The following FANCD2 variants were observed in gnomAD, a reference collection of about 807,000 sequenced individuals.
FANCD2 encodes Fanconi anemia group D2 protein.
Under a neutral mutation model 192.3 loss-of-function variants are expected in FANCD2, and 131 were observed. The observed-to-expected ratio is 0.68, with a 90% CI of 0.59 to 0.79. The LOEUF (loss-of-function observed/expected upper bound fraction) is 0.79. Ranked by LOEUF, FANCD2 falls within the 30% of genes least tolerant of loss-of-function variation. FANCD2 has a pLI of 0.00. For missense variants in FANCD2, 1,508 were observed against 1,701.6 expected, an observed-to-expected ratio of 0.89 and a Z score of 2.00; for synonymous variants, 524 against 612.5, an observed-to-expected ratio of 0.86 and a Z score of 2.13.
chr3:10,042,863 T>C (rs2086899374), intron 11 of FANCD2, among the ~76,000 whole-genome samples, 187 bp from the exon 12 acceptor site: 1 of 152,230 alleles, frequency 6.6e-6, no homozygotes, highest in Non-Finnish European at 1.5e-5. Flanking sequence ...CACAGAATTC[T>C]GAAATTTTGG....
At chr3:10,079,578 G>A (rs938786644) in intron 30 of FANCD2, among the ~76,000 whole-genome samples, 5 of 152,008 alleles carry the variant, frequency 3.3e-5, no homozygotes, top group South Asian at 2.1e-4. Context: ...CGCCCACCTC[G>A]GCCTCCCAAA....
intron 38 of FANCD2, among the ~76,000 whole-genome samples, chr3:10,092,981 C>T (rs914837322): frequency 2.6e-5 from 4 of 152,134 alleles, no homozygotes; most frequent in African/African-American, 9.7e-5. Flanking sequence ...CATGAGCCAG[C>T]ATGCCCAGCC....
chr3:10,046,131 G>A (rs1189706680), intron 14 of FANCD2, among the ~76,000 whole-genome samples: 1 of 144,904 alleles, frequency 6.9e-6, no homozygotes, highest in Non-Finnish European at 1.5e-5. Context: ...TCGGCTCACT[G>A]TAAGCTCTGC....
At chr3:10,045,188 A>T (rs2086970118) in intron 14 of FANCD2, among the ~76,000 whole-genome samples, 2 of 113,126 alleles carry the variant, frequency 1.8e-5, no homozygotes, top group African/African-American at 4.1e-5. Flanking sequence ...TTTGTTTTTG[A>T]GACGGGTTCT....
intron 42 of FANCD2, among the ~76,000 whole-genome samples, chr3:10,097,792 T>C (rs1695061815): frequency 6.6e-6 from 1 of 152,168 alleles, no homozygotes; most frequent in Non-Finnish European, 1.5e-5. Context: ...GTCCATGAAA[T>C]CTTTACAATT....
rs981608216 is a variant in FANCD2 at position 10,053,502 on chromosome 3, A to C, written c.1656+1005A>C. Among the ~76,000 whole-genome samples, 6 of 151,876 alleles carry C rather than the reference A, an allele frequency of 4.0e-5. No individual in the cohort carries two copies. In the South Asian group the frequency reaches 8.3e-4, roughly 21 times the overall value. ...TGTAACTAACCTGCACATTGTGCAC[A>C]TGTACCCTAAAACTTACAGTATAAT... On this transcript the variant is annotated intron_variant, in intron 18 of 43. Transcript: ENST00000675286.
chr3:10,064,604 T>G (rs2087663111), intron 22 of FANCD2, 125 bp from the exon 23 acceptor site: 21 of 1,328,696 alleles, frequency 1.6e-5, no homozygotes, highest in Non-Finnish European at 2.2e-5. Flanking sequence ...TCCTAAAAGG[T>G]TCACTGTTTG....
At position 10,073,276 on chromosome 3, in the gene FANCD2, A is replaced by T. The variant is rs771985778; in HGVS notation, c.2629A>T (p.Ser877Cys). 6.2e-7 allele frequency: 1 copy of T among 1,613,806 alleles called. No individual in the cohort carries two copies. The highest frequency in any genetic ancestry group is 1.3e-5 in the African/African-American group (1 of 74,918). The stretch of plus-strand genomic sequence containing the variant: ...AGAAAGGAAACAAAAAACAGATGGC[A>T]GCAAGACATCCTCCTCTGACACACT... The part of the protein sequence containing the change: ...KIERKQKTDG[S>C]KTSSSDTLSE... Residue 877 changes from serine to cysteine, a missense_variant, in exon 28 of 44, where the codon AGC becomes TGC. Around this residue, in one of 5 missense-constraint regions of FANCD2, gnomAD observed 796 missense variants for 879.4 expected, o/e 0.91. Transcript: ENST00000675286.
intron 29 of FANCD2, among the ~76,000 whole-genome samples, chr3:10,075,632 A>T (rs951225251): frequency 2.6e-5 from 4 of 151,966 alleles, no homozygotes; most frequent in African/African-American, 2.4e-5. Flanking sequence ...TTCATCAGAG[A>T]GTAGAATTTC....
chr3:10,064,566 A>G (rs1398854595), intron 22 of FANCD2, 137 bp downstream of exon 22: 38 of 1,267,366 alleles, frequency 3.0e-5, no homozygotes, highest in Non-Finnish European at 4.1e-5. Flanking sequence ...TCCCAACCCC[A>G]GCACCCCTGC....
chr3:10,072,841 C>A (rs764445640), intron 26 of FANCD2, 30 bp from the exon 27 acceptor site: 1 of 1,171,286 alleles, frequency 8.5e-7, no homozygotes, highest in Non-Finnish European at 1.3e-6. Flanking sequence ...AATTGGTACA[C>A]ATTGAGCTTC....
chr3:10,077,213 AC>A, intron 29 of FANCD2, among the ~76,000 whole-genome samples: 1 of 152,320 alleles, frequency 6.6e-6, no homozygotes, highest in Non-Finnish European at 1.5e-5. Context: ...AGCCTGAGCA[AC>A]AGAGCGAGAC....
Position 10,039,915 on chromosome 3 carries a change from G to C in FANCD2, c.695+70G>C, listed in dbSNP as rs1021131856. The C allele has an allele frequency of 3.2e-6, 5 of 1,579,348 alleles. No individual in the cohort carries two copies. In the African/African-American group the frequency reaches 5.4e-5, roughly 17 times the overall value. ...GGGTTCTATCACTGCAGTATGCAAA[G>C]AGCAGTAGTAATATGGTCTCTTCTA... is the stretch of plus-strand genomic sequence containing the variant. On this transcript the variant is annotated intron_variant, in intron 9 of 43. Coordinates refer to ENST00000675286, the MANE Select transcript of FANCD2 (RefSeq NM_001018115.3).
chr3:10,044,164 A>G (rs1469854891), intron 14 of FANCD2, among the ~76,000 whole-genome samples: 1 of 152,226 alleles, frequency 6.6e-6, no homozygotes, highest in Non-Finnish European at 1.5e-5. Flanking sequence ...CACTGATGAG[A>G]TGAAGAAAAT....
At chr3:10,077,430 C>G (rs1467627481) in intron 29 of FANCD2, among the ~76,000 whole-genome samples, 1 of 152,034 alleles carries the variant, frequency 6.6e-6, no homozygotes, top group Non-Finnish European at 1.5e-5. Flanking sequence ...TGGTGGGCAC[C>G]TGTAATGCCA....
chr3:10,076,808 CTCTGCCTCCTGAGCTCAAGTGATTCT>C (rs1472297921), intron 29 of FANCD2, among the ~76,000 whole-genome samples: 8 of 152,202 alleles, frequency 5.3e-5, no homozygotes, highest in Non-Finnish European at 8.8e-5. Flanking sequence ...TTACTGCAGC[CTCTGCCTCCTGAGCTCAAGTGATTCT>C]TCTGCCTCCT....
chr3:10,101,304 C>G lies in FANCD2; in HGVS notation c.*42C>G. On this transcript the variant is annotated 3_prime_UTR_variant, in exon 44 of 44. Transcript: ENST00000675286. ...TGCCTGCTTCTGTGTCTCTGCCAGCCTGTGATCATTTTGTGTTAGAGTTTG... is the reference window on the plus strand; with the variant it reads ...TGCCTGCTTCTGTGTCTCTGCCAGCGTGTGATCATTTTGTGTTAGAGTTTG... The G allele has an allele frequency of 7.0e-7, 1 of 1,423,062 alleles. No homozygotes were observed. The highest frequency in any genetic ancestry group is 9.9e-7 in the Non-Finnish European group (1 of 1,005,180). 88.2% of individuals were successfully genotyped at this position (1,423,062 alleles called of 1,614,324 possible).
intron 30 of FANCD2, among the ~76,000 whole-genome samples, chr3:10,079,915 C>T (rs1268883801): frequency 3.3e-5 from 5 of 151,328 alleles, no homozygotes; most frequent in African/African-American, 4.9e-5. Context: ...TTTTCTTCTT[C>T]GTCTTCTTTT....
chr3:10,088,739 G>T (rs1694393912), intron 35 of FANCD2, 89 bp from the exon 36 acceptor site: 1 of 1,415,372 alleles, frequency 7.1e-7, no homozygotes, highest in Non-Finnish European at 1.0e-6. Context: ...ACTGCTTATT[G>T]TTAATTCAGA....
Sources: allele counts gnomAD v4.1 joint callset (sites outside exome capture counted in the v4.1 genomes callset), GRCh38; gene constraint gnomAD v4.1.1; regional missense constraint gnomAD v4.1.1; transcripts MANE v1.5; gene names NCBI Gene and HGNC (gene_info 2026-07-23, HGNC 2026-07-21).